Variants in DNAH11 observed in about 807,000 individuals in gnomAD.
DNAH11 encodes dynein axonemal heavy chain 11, also known as axonemal beta dynein heavy chain 11.
A neutral mutation model predicts 526.0 loss-of-function variants in DNAH11; 442 were observed. The ratio of observed to expected loss-of-function variants is 0.84; its 90% confidence interval spans 0.78 to 0.91. The LOEUF (loss-of-function observed/expected upper bound fraction) is 0.91. DNAH11 is among the 40% of genes least tolerant of loss of function. The pLI is 0.00. For missense variants in DNAH11, 6,989 were observed against 5,448.7 expected, an observed-to-expected ratio of 1.28 and a Z score of -8.90; for synonymous variants, 2,461 against 1,935.9, an observed-to-expected ratio of 1.27 and a Z score of -7.12.
At position 21,690,769 on chromosome 7, in the gene DNAH11, G is replaced by A. The variant is rs1783582293; in HGVS notation, c.5929G>A (p.Val1977Ile). ...TCAACATTCTTTTTATGGTAGATTT[G>A]TATTTCTTGGGGAAGCTATCACACT... is the stretch of plus-strand genomic sequence containing the variant. ...DAIRNRKKRFVFLGEAITLKP... is the reference protein window; with the variant it reads ...DAIRNRKKRFIFLGEAITLKP... Residue 1977 changes from valine (V) to isoleucine (I), a missense_variant, in exon 35 of 82, where the codon GTA becomes ATA. Val to Ile is a conservative substitution (Grantham distance 29). Coordinates refer to ENST00000409508, the MANE Select transcript of DNAH11 (RefSeq NM_001277115.2). The A allele has an allele frequency of 1.2e-6, 2 of 1,602,646 alleles. No individual in the cohort carries two copies. Among genetic ancestry groups the A allele is most frequent in the African/African-American group, 2.7e-5 (2 of 74,616 alleles).
In DNAH11 at chr7:21,588,683, G is replaced by A. The variant is rs752708281; in HGVS notation, c.1973+47G>A. Reference sequence around the variant, plus strand: ...ATGGCAAGTTATTCTAATGGTACGGGTGACATTTTATATAAGAGAGTGAGC... The same window carrying A: ...ATGGCAAGTTATTCTAATGGTACGGATGACATTTTATATAAGAGAGTGAGC... On this transcript the variant is annotated intron_variant, in intron 11 of 81. Coordinates refer to ENST00000409508, the MANE Select transcript of DNAH11 (RefSeq NM_001277115.2). The A allele has an allele frequency of 1.4e-5, 22 of 1,593,868 alleles. 1 individual carries two copies. Among genetic ancestry groups the A allele is most frequent in the Non-Finnish European group, 1.5e-5 (18 of 1,164,570 alleles).
intron 62 of DNAH11, among the ~76,000 whole-genome samples, chr7:21,805,393 A>G (rs1394477023): frequency 1.3e-5 from 2 of 152,228 alleles, no homozygotes; most frequent in African/African-American, 2.4e-5. Flanking sequence ...TAGTCCTGGC[A>G]TGTCATAGGC....
chr7:21,693,451 T>C (rs1010129267), intron 35 of DNAH11, among the ~76,000 whole-genome samples: 4 of 152,226 alleles, frequency 2.6e-5, no homozygotes, highest in Admixed American at 6.5e-5. Context: ...AATTTTTGTC[T>C]GGCTTTGGCA....
At chr7:21,712,887 A>G (rs997934130) in intron 42 of DNAH11, among the ~76,000 whole-genome samples, 1 of 152,236 alleles carries the variant, frequency 6.6e-6, no homozygotes, top group African/African-American at 2.4e-5. Context: ...TTTTACTTGG[A>G]CATTACCTGG....
chr7:21,664,419 G>A (rs533266858), intron 30 of DNAH11, among the ~76,000 whole-genome samples: 20 of 150,002 alleles, frequency 1.3e-4, no homozygotes, highest in East Asian at 7.9e-4. Flanking sequence ...CCCCGCCCCC[G>A]CAATTCTTTC....
chr7:21,661,586 C>A (rs927515628), intron 30 of DNAH11, among the ~76,000 whole-genome samples: 1 of 151,792 alleles, frequency 6.6e-6, no homozygotes, highest in African/African-American at 2.4e-5. Flanking sequence ...AGATTTCTTT[C>A]TTTTTGTGGT....
intron 55 of DNAH11, among the ~76,000 whole-genome samples, chr7:21,768,524 G>A (rs565526537): frequency 6.6e-6 from 1 of 152,256 alleles, no homozygotes; most frequent in South Asian, 2.1e-4. Flanking sequence ...CAAGGTGAAA[G>A]AGGTCATCTT....
Position 21,596,677 on chromosome 7 carries a change from T to C in DNAH11, c.2668-3110T>C, listed in dbSNP as rs1298019012. On this transcript the variant is annotated intron_variant, in intron 14 of 81. Coordinates refer to ENST00000409508, the MANE Select transcript of DNAH11 (RefSeq NM_001277115.2). ...ATGCATTAAAAGTATGGCCAAGACA[T>C]GACTAGAAATCATCAGAAAACAAGG... Among the ~76,000 whole-genome samples the C allele has an allele frequency of 3.3e-5, 5 of 152,318 alleles. No individual in the cohort carries two copies. The East Asian group carries it at 9.6e-4, about 29-fold the overall frequency.
chr7:21,875,876 T>TC (rs1783687602), intron 74 of DNAH11, among the ~76,000 whole-genome samples: 1 of 140,380 alleles, frequency 7.1e-6, no homozygotes, highest in African/African-American at 2.8e-5. Context: ...GAAGAATATT[T>TC]CTTTTTTTTT....
At chr7:21,719,444 A>G (rs537921438) in intron 43 of DNAH11, among the ~76,000 whole-genome samples, 1 of 152,312 alleles carries the variant, frequency 6.6e-6, no homozygotes, top group Admixed American at 6.5e-5. Flanking sequence ...AATAGAAGAA[A>G]CACATGGCCG....
intron 29 of DNAH11, among the ~76,000 whole-genome samples, chr7:21,657,372 T>A (rs1782058378): frequency 1.3e-5 from 2 of 151,960 alleles, no homozygotes; most frequent in Non-Finnish European, 2.9e-5. Flanking sequence ...GAGGTAGCAA[T>A]TGTTGTTATA....
chr7:21,628,972 T>C (rs1337326858), intron 25 of DNAH11, among the ~76,000 whole-genome samples: 1 of 152,168 alleles, frequency 6.6e-6, no homozygotes, highest in African/African-American at 2.4e-5. Flanking sequence ...TTTGCTTTTC[T>C]AGTTCCTTGA....
Position 21,861,852 on chromosome 7 carries a change from G to A in DNAH11, c.11203-1G>A, listed in dbSNP as rs1783074775. 6.2e-7 allele frequency: 1 copy of A among 1,609,272 alleles called. No homozygotes were observed. The highest frequency in any genetic ancestry group is 2.2e-5 in the East Asian group (1 of 44,650). On this transcript the variant is annotated splice_acceptor_variant, in intron 68 of 81. Coordinates refer to ENST00000409508, the MANE Select transcript of DNAH11 (RefSeq NM_001277115.2). LOFTEE classifies it high-confidence loss of function. ...TTTAATGGTCACATTAAATTTCCCAGGCTTTTAACGTGCTGTTCCACAGAG... is the reference window on the plus strand; with the variant it reads ...TTTAATGGTCACATTAAATTTCCCAAGCTTTTAACGTGCTGTTCCACAGAG...
intron 57 of DNAH11, among the ~76,000 whole-genome samples, chr7:21,780,185 C>T (rs1337993994): frequency 1.3e-5 from 2 of 152,046 alleles, no homozygotes; most frequent in Non-Finnish European, 1.5e-5. Context: ...ATGTGATCAG[C>T]GGGCATGTAA....
chr7:21,743,807 C>G (rs551654669), intron 49 of DNAH11, among the ~76,000 whole-genome samples: 1 of 152,312 alleles, frequency 6.6e-6, no homozygotes, highest in Non-Finnish European at 1.5e-5. Flanking sequence ...TCAGCTGCAC[C>G]TGACACTACC....
chr7:21,576,858 G>A (rs1384920307), intron 8 of DNAH11, among the ~76,000 whole-genome samples: 2 of 152,138 alleles, frequency 1.3e-5, no homozygotes, highest in African/African-American at 2.4e-5. Context: ...CTTACTTTGG[G>A]GTAGTGGTTT....
intron 15 of DNAH11, among the ~76,000 whole-genome samples, 156 bp from the exon 16 acceptor site, chr7:21,600,520 A>T (rs886077574): frequency 1.3e-5 from 2 of 152,180 alleles, no homozygotes; most frequent in African/African-American, 4.8e-5. Context: ...GGAAAATGGG[A>T]AGCACAGGGA....
chr7:21,555,536 A>G (rs1255792958), intron 2 of DNAH11, among the ~76,000 whole-genome samples: 1 of 152,186 alleles, frequency 6.6e-6, no homozygotes, highest in African/African-American at 2.4e-5. Context: ...CATTTCCCTC[A>G]TGGGAGAACA....
At chr7:21,561,370 G>C (rs1351026898) in intron 5 of DNAH11, 200 bp downstream of exon 5, 2 of 440,618 alleles carry the variant, frequency 4.5e-6, no homozygotes, top group East Asian at 7.4e-5. Flanking sequence ...CTGGTATATA[G>C]TAGTACCTGC....
Sources: allele counts gnomAD v4.1 joint callset (sites outside exome capture counted in the v4.1 genomes callset), GRCh38; gene constraint gnomAD v4.1.1; transcripts MANE v1.5; gene names NCBI Gene and HGNC (gene_info 2026-07-23, HGNC 2026-07-21).